BAZ1A: variants seen among roughly 807,000 people sequenced by gnomAD.
BAZ1A encodes the protein bromodomain adjacent to zinc finger domain protein 1A.
In BAZ1A, 50 loss-of-function variants were observed where a neutral mutation model predicts 185.2. The observed-to-expected ratio is 0.27, with a 90% CI of 0.22 to 0.34. BAZ1A has a LOEUF of 0.34. Among genes scored for constraint, BAZ1A ranks in the 10% least tolerant of loss-of-function variants. The pLI is 1.00. For missense variants in BAZ1A, 1,356 were observed against 1,839.9 expected (o/e 0.74, Z 4.81); for synonymous variants, 571 against 615.6 (o/e 0.93, Z 1.07).
intron 3 of BAZ1A, among the ~76,000 whole-genome samples, chr14:34,827,280 T>C (rs2042177283): frequency 6.6e-6 from 1 of 152,232 alleles, no homozygotes; most frequent in Non-Finnish European, 1.5e-5. Flanking sequence ...TGTTTATGTC[T>C]GTTACGTCTA....
intron 24 of BAZ1A, among the ~76,000 whole-genome samples, chr14:34,759,665 T>C (rs1886439537): frequency 1.3e-5 from 1 of 76,140 alleles, no homozygotes; most frequent in African/African-American, 6.9e-5. Context: ...CTTACAGATC[T>C]TAATTTTATT....
intron 3 of BAZ1A, among the ~76,000 whole-genome samples, chr14:34,857,791 G>A (rs901871322): frequency 6.6e-6 from 1 of 151,960 alleles, no homozygotes; most frequent in South Asian, 2.1e-4. Context: ...TCCACTTCAG[G>A]CCTCTCCCTC....
At chr14:34,802,797 T>G in intron 7 of BAZ1A, 57 bp downstream of exon 7, 2 of 1,539,438 alleles carry the variant, frequency 1.3e-6, no homozygotes, top group Non-Finnish European at 1.8e-6. Context: ...TACTTCTTGA[T>G]TCTGAATACT....
intron 3 of BAZ1A, among the ~76,000 whole-genome samples, chr14:34,844,332 A>T (rs2042468643): frequency 6.6e-6 from 1 of 152,204 alleles, no homozygotes; most frequent in Non-Finnish European, 1.5e-5. Context: ...GAGGTGAAAG[A>T]CTTGTACACT....
intron 12 of BAZ1A, chr14:34,786,484 T>G: frequency 3.1e-6 from 1 of 326,318 alleles, no homozygotes; most frequent in Non-Finnish European, 5.6e-6. Flanking sequence ...CACATAAACA[T>G]TCCCCCAAAA....
chr14:34,850,344 C>T (rs977947852), intron 3 of BAZ1A, among the ~76,000 whole-genome samples: 3 of 152,098 alleles, frequency 2.0e-5, no homozygotes, highest in Non-Finnish European at 2.9e-5. Flanking sequence ...CACCACTGCA[C>T]TCCAGCCTGG....
chr14:34,874,768 G>T lies in BAZ1A; in HGVS notation c.-58-106C>A. 2 of 542,268 alleles carry T rather than the reference G, an allele frequency of 3.7e-6. No homozygotes were observed. The highest frequency in any genetic ancestry group is 6.3e-6 in the Non-Finnish European group (2 of 315,518). The allele number at this position is 542,268 out of a possible 1,614,324, so 33.6% of individuals were successfully genotyped here. A position where few individuals can be genotyped will look rare whatever the true frequency, so the allele number is the denominator to read the frequency against. On this transcript the variant is annotated intron_variant, in intron 1 of 26. Transcript: ENST00000360310. This position sits in a 1 kb window ranked among gnomAD's most constrained non-coding sequence, Gnocchi z 4.7. ...AAGCTCGGCTGCCTTTTGTGTGACT[G>T]ACGCGCCGCGGCCGCTACCGGAGCC...
intron 3 of BAZ1A, among the ~76,000 whole-genome samples, chr14:34,850,101 C>G (rs763909288): frequency 6.6e-6 from 1 of 152,106 alleles, no homozygotes; most frequent in Non-Finnish European, 1.5e-5. Flanking sequence ...AAGGTCAGGC[C>G]GGGCATAGTG....
rs539810840 is a variant in BAZ1A at position 34,816,902 on chromosome 14, G to A, written c.537-5866C>T. 8.3e-4 allele frequency: 318 copies of A among 382,612 alleles called. 3 individuals are homozygous for A. The highest frequency in any genetic ancestry group is 5.9e-3 in the South Asian group (306 of 51,800). 23.7% of individuals were successfully genotyped at this position (382,612 alleles called of 1,614,324 possible). On this transcript the variant is annotated intron_variant, in intron 4 of 26. Coordinates refer to ENST00000360310, the MANE Select transcript of BAZ1A (RefSeq NM_013448.3). ...CAATGTGATCTCACCAAATAGTAAG[G>A]ATATTTACATATAAATTTTCTTTAA...
intron 4 of BAZ1A, among the ~76,000 whole-genome samples, chr14:34,811,302 C>T (rs1289502110): frequency 2.2e-4 from 33 of 152,010 alleles, no homozygotes; most frequent in Admixed American, 2.1e-3. Context: ...CACCACCATG[C>T]CCAGTTAATT....
At chr14:34,795,638 T>C (rs752451478) in intron 10 of BAZ1A, 32 bp downstream of exon 10, 3 of 1,465,622 alleles carry the variant, frequency 2.0e-6, no homozygotes, top group Admixed American at 4.2e-5. Flanking sequence ...GTAAAACCTA[T>C]GTGTGCTAAA....
chr14:34,866,502 A>AAAAAAAAAAAGAAAAAAAGAAAG, intron 2 of BAZ1A, among the ~76,000 whole-genome samples: 1 of 79,538 alleles, frequency 1.3e-5, no homozygotes, highest in African/African-American at 3.8e-5. Context: ...AAAAAAAAAA[A>AAAAAAAAAAAGAAAAAAAGAAAG]GAAAAAAGTT....
rs566944102 is a variant in BAZ1A at position 34,804,255 on chromosome 14, G to A, written c.727-1267C>T. Among the ~76,000 whole-genome samples the A allele has an allele frequency of 3.6e-4, 55 of 152,232 alleles. 1 individual carries two copies. The highest frequency in any genetic ancestry group is 3.3e-3 in the Admixed American group (51 of 15,270). On this transcript the variant is annotated intron_variant, in intron 6 of 26. Transcript: ENST00000360310. ...ACTCCTGACCTCAAGTGATCTGCCCGCCTTGGCCTCCCAAAGTGCTGGGAT... is the reference window on the plus strand; with the variant it reads ...ACTCCTGACCTCAAGTGATCTGCCCACCTTGGCCTCCCAAAGTGCTGGGAT...
chr14:34,759,166 C>A (rs1886398514), intron 24 of BAZ1A, among the ~76,000 whole-genome samples: 1 of 108,430 alleles, frequency 9.2e-6, no homozygotes, highest in Non-Finnish European at 1.8e-5. Flanking sequence ...TACTTTACAG[C>A]TACAGTTTTT....
intron 14 of BAZ1A, among the ~76,000 whole-genome samples, chr14:34,784,561 A>C (rs969161255): frequency 7.3e-5 from 11 of 151,556 alleles, no homozygotes; most frequent in African/African-American, 2.7e-4. Context: ...TCTGACGCCC[A>C]GGCTGGAGTG....
At chr14:34,835,722 A>G (rs927820633) in intron 3 of BAZ1A, among the ~76,000 whole-genome samples, 1 of 147,716 alleles carries the variant, frequency 6.8e-6, no homozygotes, top group South Asian at 2.1e-4. Flanking sequence ...GCCAGGCTGG[A>G]GTGCAATGGC....
intron 2 of BAZ1A, among the ~76,000 whole-genome samples, chr14:34,862,684 CTTAA>C (rs2042787720): frequency 6.6e-6 from 1 of 150,572 alleles, no homozygotes; most frequent in South Asian, 2.1e-4. Flanking sequence ...GTATAAAGTT[CTTAA>C]TTAACATTTC....
chr14:34,844,137 C>T (rs1312997554), intron 3 of BAZ1A, among the ~76,000 whole-genome samples: 3 of 139,844 alleles, frequency 2.1e-5, no homozygotes, highest in African/African-American at 2.7e-5. Flanking sequence ...ATCCGGGAGG[C>T]GGAGCTTGCA....
At chr14:34,873,626 C>G (rs896582165) in intron 2 of BAZ1A, among the ~76,000 whole-genome samples, 4 of 152,170 alleles carry the variant, frequency 2.6e-5, no homozygotes, top group African/African-American at 4.8e-5. Flanking sequence ...ACCCCCTCCC[C>G]CAACAACCTC....
Sources: gnomAD v4.1 joint callset for allele counts (sites outside exome capture counted in the v4.1 genomes callset) on GRCh38, gnomAD v4.1.1 for gene constraint, Gnocchi (gnomAD v3.1) non-coding constraint, MANE v1.5 for transcripts, NCBI Gene and HGNC (gene_info 2026-07-23, HGNC 2026-07-21) for gene names.